The following LGR6 variants were observed in gnomAD, a reference collection of about 807,000 sequenced individuals.
LGR6 encodes the protein leucine rich repeat containing G protein-coupled receptor 6.
In LGR6, 45 loss-of-function variants were observed where a neutral mutation model predicts 69.4. The ratio of observed to expected loss-of-function variants is 0.65; its 90% CI spans 0.51 to 0.83. The LOEUF (loss-of-function observed/expected upper bound fraction) is 0.83, where lower values mean the gene tolerates loss of function less well. Among genes scored for constraint, LGR6 ranks in the 40% least tolerant of loss-of-function variants. The pLI is 0.00. For synonymous variants in LGR6, 538 were observed against 555.0 expected (o/e 0.97, Z 0.43); for missense variants, 1,108 against 1,246.7 (o/e 0.89, Z 1.68).
At position 202,303,295 on chromosome 1, in the gene LGR6, A is replaced by G. The variant is rs564376624; in HGVS notation, c.946A>G (p.Met316Val). 1.4e-5 allele frequency: 23 copies of G among 1,613,944 alleles called. No homozygotes were observed. The highest frequency in any genetic ancestry group is 3.3e-5 in the South Asian group (3 of 91,074). ...TATTTCCAGATCTCTGAATGGTGCCATGGACATCCAGGAGTTTCCAGATCT... is the reference window on the plus strand; with the variant it reads ...TATTTCCAGATCTCTGAATGGTGCCGTGGACATCCAGGAGTTTCCAGATCT... ...KLHTLSLNGAMDIQEFPDLKG... is the reference protein window; with the variant it reads ...KLHTLSLNGAVDIQEFPDLKG... The change falls in exon 10 of 18, where the codon ATG (methionine) becomes GTG (valine). Residue 316 changes from methionine (M) to valine (V), a missense_variant. Transcript: ENST00000367278.
rs1654334124 is a variant in LGR6, at chr1:202,318,378, G to T, written c.2075G>T (p.Gly692Val). Reference sequence around the variant, plus strand: ...GGCAGCGTTCGAGCAGGGGTCCTAGGCTGCCTGGCACTGGCAGGGCTGGCC... The same window carrying T: ...GGCAGCGTTCGAGCAGGGGTCCTAGTCTGCCTGGCACTGGCAGGGCTGGCC... The part of the protein sequence containing the change: ...SLGSVRAGVL[G>V]CLALAGLAAA... The change falls in exon 18 of 18, where the codon GGC becomes GTC. Residue 692 changes from glycine (G) to valine (V), a missense_variant. By Grantham distance (109) the Gly-to-Val change is moderately radical. Transcript: ENST00000367278. 1 of 1,604,456 alleles carries T rather than the reference G, an allele frequency of 6.2e-7. No individual in the cohort carries two copies. The highest frequency in any genetic ancestry group is 8.5e-7 in the Non-Finnish European group (1 of 1,175,450).
chr1:202,208,527 C>T (rs1037483187), intron 1 of LGR6, among the ~76,000 whole-genome samples: 35 of 152,072 alleles, frequency 2.3e-4, no homozygotes, highest in African/African-American at 8.0e-4. Flanking sequence ...TCCCAGGGGC[C>T]GGGATAGGAC....
At chr1:202,244,828 A>T (rs1662513340) in intron 4 of LGR6, among the ~76,000 whole-genome samples, 2 of 152,212 alleles carry the variant, frequency 1.3e-5, no homozygotes, top group Admixed American at 1.3e-4. Context: ...ACTTGGGGGT[A>T]AGAAGCTGAG....
chr1:202,313,737 G>A (rs980869680), intron 16 of LGR6, among the ~76,000 whole-genome samples: 6 of 152,122 alleles, frequency 3.9e-5, no homozygotes, highest in Admixed American at 3.9e-4. Flanking sequence ...ATGTATGTAT[G>A]GGGGGCACAT....
intron 8 of LGR6, 55 bp downstream of exon 8, chr1:202,300,975 A>C (rs1029528335): frequency 6.6e-7 from 1 of 1,505,708 alleles, no homozygotes; most frequent in African/African-American, 1.4e-5. Context: ...AGGGAGGAGG[A>C]CAGAGGATGG....
chr1:202,289,309 T>C lies in LGR6; in HGVS notation c.717-8199T>C, dbSNP rs1048144605. On this transcript the variant is annotated intron_variant, in intron 6 of 17. Coordinates refer to ENST00000367278, the MANE Select transcript of LGR6 (RefSeq NM_001017403.2). ...GAGTGCCTTGCCCTTTAGATAGTTC[T>C]AGTACAAACTGGATCCCCAATTGGG... Among the ~76,000 whole-genome samples the C allele has an allele frequency of 2.6e-5, 4 of 152,198 alleles. No individual in the cohort carries two copies. In the South Asian group the frequency reaches 8.3e-4, roughly 32 times the overall value.
At chr1:202,222,670 G>C (rs915610016) in intron 1 of LGR6, among the ~76,000 whole-genome samples, 2 of 152,200 alleles carry the variant, frequency 1.3e-5, no homozygotes, top group African/African-American at 4.8e-5. Context: ...ATCTGGCCCA[G>C]CTTCTGCGCT....
intron 14 of LGR6, among the ~76,000 whole-genome samples, chr1:202,308,646 G>T (rs187203372): frequency 6.6e-6 from 1 of 152,188 alleles, no homozygotes; most frequent in African/African-American, 2.4e-5. Flanking sequence ...AGGAAAGGCA[G>T]GGGGATGGGG....
intron 1 of LGR6, among the ~76,000 whole-genome samples, chr1:202,216,608 CTTGCG>C (rs1196345059): frequency 6.6e-6 from 1 of 152,170 alleles, no homozygotes; most frequent in East Asian, 1.9e-4. Context: ...CAGTGTAGGT[CTTGCG>C]TTGTCTCTCA....
chr1:202,297,852 C>A (rs1399632630), intron 7 of LGR6, among the ~76,000 whole-genome samples: 1 of 152,206 alleles, frequency 6.6e-6, no homozygotes, highest in Non-Finnish European at 1.5e-5. Context: ...TGGCACAAGC[C>A]ACCTACTATT....
At chr1:202,205,697 TAC>T (rs1316033751) in intron 1 of LGR6, among the ~76,000 whole-genome samples, 10 of 80,296 alleles carry the variant, frequency 1.2e-4, no homozygotes, top group Middle Eastern at 0.013. Flanking sequence ...CCTTCAAACA[TAC>T]ACACACACCC....
chr1:202,307,344 A>T lies in LGR6; in HGVS notation c.1223A>T (p.Asn408Ile), dbSNP rs755429785. ...TCTGCCTGCAGGGATCTTAGCTGGA[A>T]CGCCATCCGGTCCATCCACCCCGAG... ...SSLQALDLSWNAIRSIHPEAF... is the reference protein window; with the variant it reads ...SSLQALDLSWIAIRSIHPEAF... The change falls in exon 14 of 18, where the codon AAC becomes ATC. Residue 408 changes from asparagine (N) to isoleucine (I), a missense_variant. Transcript: ENST00000367278. 1 of 1,614,086 alleles carries T rather than the reference A, an allele frequency of 6.2e-7. No homozygotes were observed. Among genetic ancestry groups the T allele is most frequent in the African/African-American group, 1.3e-5 (1 of 75,002 alleles).
intron 4 of LGR6, among the ~76,000 whole-genome samples, chr1:202,247,872 G>T (rs1662856537): frequency 6.6e-6 from 1 of 152,186 alleles, no homozygotes; most frequent in African/African-American, 2.4e-5. Context: ...AGTGGAGCCA[G>T]CACCTGTGGC....
chr1:202,214,027 G>A (rs936410668), intron 1 of LGR6: 39 of 1,342,680 alleles, frequency 2.9e-5, no homozygotes, highest in Non-Finnish European at 3.8e-6. Flanking sequence ...TTAGGGAAGA[G>A]GGCAGATGGG....
chr1:202,295,932 C>T (rs1476664029), intron 6 of LGR6, among the ~76,000 whole-genome samples: 1 of 151,242 alleles, frequency 6.6e-6, no homozygotes, highest in Admixed American at 6.6e-5. Context: ...ATCTGGCTCA[C>T]TGGCTGCCAG....
chr1:202,197,109 G>C (rs768170597), intron 1 of LGR6: 1 of 532,404 alleles, frequency 1.9e-6, no homozygotes, highest in East Asian at 5.4e-5. Context: ...ATGGGCTCCA[G>C]AAGGTACCCG....
chr1:202,193,908 G>A lies in LGR6; in HGVS notation c.-82G>A, dbSNP rs1356229773. The A allele has an allele frequency of 3.2e-6, 3 of 937,100 alleles. No homozygotes were observed. Among genetic ancestry groups the A allele is most frequent in the Non-Finnish European group, 4.2e-6 (3 of 718,340 alleles). The allele number at this position is 937,100 out of a possible 1,614,324, so 58.0% of individuals were successfully genotyped here. On this transcript the variant is annotated 5_prime_UTR_variant, in exon 1 of 18. Coordinates refer to ENST00000367278, the MANE Select transcript of LGR6 (RefSeq NM_001017403.2). Reference sequence around the variant, plus strand: ...GTCCCCACCGACGGTGCAGCCCGCCGGGACCGGGAGGAAGCAGCTGCGGCC... The same window carrying A: ...GTCCCCACCGACGGTGCAGCCCGCCAGGACCGGGAGGAAGCAGCTGCGGCC...
At chr1:202,291,526 A>T (rs1024971215) in intron 6 of LGR6, among the ~76,000 whole-genome samples, 1 of 152,214 alleles carries the variant, frequency 6.6e-6, no homozygotes, top group Admixed American at 6.5e-5. Context: ...TACAACAATG[A>T]ACATTCACAT....
At chr1:202,260,209 T>A (rs768225168) in intron 4 of LGR6, among the ~76,000 whole-genome samples, 11 of 151,750 alleles carry the variant, frequency 7.2e-5, no homozygotes, top group Non-Finnish European at 1.3e-4. Context: ...CAGTTAATTT[T>A]TGTATTTTTA....
Sources: gnomAD v4.1 joint callset for allele counts (sites outside exome capture counted in the v4.1 genomes callset) on GRCh38, gnomAD v4.1.1 for gene constraint, MANE v1.5 for transcripts, NCBI Gene and HGNC (gene_info 2026-07-23, HGNC 2026-07-21) for gene names.